Variants in MCUB observed in about 807,000 individuals in gnomAD.
The protein encoded by MCUB is mitochondrial calcium uniporter dominant negative subunit beta.
A neutral mutation model predicts 41.4 loss-of-function variants in MCUB; 46 were observed. That is an observed-to-expected ratio of 1.11 (90% confidence interval 0.88 to 1.42). The LOEUF is 1.42. Among genes scored for constraint, MCUB ranks in the 40% most tolerant of loss-of-function variants. The probability of loss-of-function intolerance (pLI) is 0.00; values close to 1 mark genes in which losing one functional copy is unlikely to be tolerated. For synonymous variants in MCUB, 148 were observed against 148.2 expected (o/e 1.00, Z 0.01); for missense variants, 403 against 404.9 (o/e 1.00, Z 0.04).
chr4:109,642,893 A>ATTTTTTT (rs34076028), intron 1 of MCUB, among the ~76,000 whole-genome samples: 1 of 111,114 alleles, frequency 9.0e-6, no homozygotes, highest in Non-Finnish European at 1.8e-5. Context: ...TCTCAGCTAG[A>ATTTTTTT]TTTTTTTTTT....
intron 1 of MCUB, among the ~76,000 whole-genome samples, chr4:109,566,881 C>G (rs1387021051): frequency 6.6e-6 from 1 of 152,116 alleles, no homozygotes; most frequent in East Asian, 1.9e-4. Context: ...GTTTATATAG[C>G]AGATGTTAGT....
At chr4:109,571,804 C>G (rs530942110) in intron 1 of MCUB, among the ~76,000 whole-genome samples, 1 of 152,336 alleles carries the variant, frequency 6.6e-6, no homozygotes, top group East Asian at 1.9e-4. Flanking sequence ...ATGGCCTAGG[C>G]CTGGAGTGTT....
intron 1 of MCUB, among the ~76,000 whole-genome samples, chr4:109,607,401 A>G (rs58707821): frequency 3.8e-4 from 58 of 152,244 alleles, no homozygotes; most frequent in African/African-American, 1.3e-3. Flanking sequence ...TATTTTAAGT[A>G]GAGACAGGGT....
intron 3 of MCUB, among the ~76,000 whole-genome samples, chr4:109,661,470 A>G (rs1244381727): frequency 3.9e-5 from 6 of 152,168 alleles, no homozygotes; most frequent in African/African-American, 1.4e-4. Context: ...TCATTCAACA[A>G]ATATTTATTG....
chr4:109,671,484 C>G (rs1007754705), intron 4 of MCUB, among the ~76,000 whole-genome samples: 2 of 152,126 alleles, frequency 1.3e-5, no homozygotes, highest in African/African-American at 2.4e-5. Flanking sequence ...CTGACTGATT[C>G]TTTCCTCCCC....
chr4:109,578,442 G>C (rs887032031), intron 1 of MCUB, among the ~76,000 whole-genome samples: 1 of 151,954 alleles, frequency 6.6e-6, no homozygotes, highest in East Asian at 1.9e-4. Context: ...CACACAGTTA[G>C]TAGGTAGTCG....
intron 4 of MCUB, among the ~76,000 whole-genome samples, chr4:109,676,275 G>A (rs575412128): frequency 6.6e-6 from 1 of 152,110 alleles, no homozygotes. Context: ...GTGGTGACTC[G>A]CACCTATAAT....
rs1005489135 is a variant in MCUB at position 109,622,675 on chromosome 4, C to T, written c.100-36336C>T. On this transcript the variant is annotated intron_variant, in intron 1 of 7. Coordinates refer to ENST00000394650, the MANE Select transcript of MCUB (RefSeq NM_017918.5). The stretch of plus-strand genomic sequence containing the variant: ...TCAAGATTAAGTTATATATATGCCT[C>T]CATGGGTGTGCCCACAGCACCCCAA... 3.3e-5 allele frequency among the ~76,000 whole-genome samples: 5 copies of T among 152,184 alleles called. 1 individual carries two copies. The highest frequency in any genetic ancestry group is 3.3e-4 in the Admixed American group (5 of 15,278).
chr4:109,646,222 A>G (rs984119803), intron 1 of MCUB, among the ~76,000 whole-genome samples: 1 of 152,010 alleles, frequency 6.6e-6, no homozygotes, highest in Non-Finnish European at 1.5e-5. Flanking sequence ...ACTAACATCT[A>G]CCCTTACATA....
chr4:109,603,137 C>G (rs1293782830), intron 1 of MCUB, among the ~76,000 whole-genome samples: 1 of 152,198 alleles, frequency 6.6e-6, no homozygotes, highest in Middle Eastern at 3.2e-3. Flanking sequence ...TCCGCGGTCT[C>G]CCTCTGTTAC....
At chr4:109,586,738 C>A (rs1016489200) in intron 1 of MCUB, among the ~76,000 whole-genome samples, 3 of 152,190 alleles carry the variant, frequency 2.0e-5, no homozygotes, top group Non-Finnish European at 4.4e-5. Context: ...TTGGAGTTTG[C>A]TGGAGGTCCA....
intron 1 of MCUB, among the ~76,000 whole-genome samples, chr4:109,649,171 G>A (rs1728905798): frequency 6.6e-6 from 1 of 152,094 alleles, no homozygotes; most frequent in Admixed American, 6.5e-5. Context: ...TAACTGTTGA[G>A]TTTAATCTGT....
At chr4:109,631,011 T>A (rs748670370) in intron 1 of MCUB, among the ~76,000 whole-genome samples, 1 of 152,228 alleles carries the variant, frequency 6.6e-6, no homozygotes. Flanking sequence ...TACAGAATTC[T>A]TTTTGATTCT....
At chr4:109,642,963 T>A (rs1247994508) in intron 1 of MCUB, among the ~76,000 whole-genome samples, 1 of 151,242 alleles carries the variant, frequency 6.6e-6, no homozygotes, top group Non-Finnish European at 1.5e-5. Context: ...TGGCGTAATT[T>A]TTTGTATTTT....
rs369261730 is a variant in MCUB at position 109,684,436 on chromosome 4, C to T, written c.613-7C>T. On this transcript the variant is annotated splice_region_variant and splice_polypyrimidine_tract_variant and intron_variant, in intron 5 of 7. Coordinates refer to ENST00000394650, the MANE Select transcript of MCUB (RefSeq NM_017918.5). ...AACAGAATTAACAGTTTTTCATTCC[C>T]CCTCAGGTGAAAGCTGGAATAGAAG... is the stretch of plus-strand genomic sequence containing the variant. The T allele has an allele frequency of 3.2e-4, 511 of 1,597,856 alleles. No individual in the cohort carries two copies. Among genetic ancestry groups the T allele is most frequent in the Non-Finnish European group, 4.3e-4 (507 of 1,172,368 alleles).
intron 1 of MCUB, among the ~76,000 whole-genome samples, chr4:109,634,571 A>G (rs1728548666): frequency 2.0e-5 from 3 of 151,866 alleles, no homozygotes; most frequent in Admixed American, 2.0e-4. Flanking sequence ...TGTGACTTCC[A>G]ACACTGTAGA....
chr4:109,561,500 A>C (rs1726636669), intron 1 of MCUB, among the ~76,000 whole-genome samples: 1 of 152,168 alleles, frequency 6.6e-6, no homozygotes, highest in Non-Finnish European at 1.5e-5. Flanking sequence ...CATTCAGAAA[A>C]TCAATTCCAG....
At chr4:109,592,522 TG>T in intron 1 of MCUB, among the ~76,000 whole-genome samples, 1 of 152,240 alleles carries the variant, frequency 6.6e-6, no homozygotes, top group East Asian at 1.9e-4. Flanking sequence ...ACAACTCCAG[TG>T]CCACACTTAA....
intron 1 of MCUB, among the ~76,000 whole-genome samples, chr4:109,644,765 A>G (rs1017303714): frequency 6.6e-6 from 1 of 152,234 alleles, no homozygotes; most frequent in Non-Finnish European, 1.5e-5. Flanking sequence ...ATTGCTTCCA[A>G]ACACCTTTAC....
Sources: allele counts gnomAD v4.1 joint callset (sites outside exome capture counted in the v4.1 genomes callset), GRCh38; gene constraint gnomAD v4.1.1; transcripts MANE v1.5; gene names NCBI Gene and HGNC (gene_info 2026-07-23, HGNC 2026-07-21).